The following UNC5C variants were observed in gnomAD, a reference collection of about 807,000 sequenced individuals.
UNC5C encodes the protein unc-5 netrin receptor C.
A neutral mutation model predicts 99.8 loss-of-function variants in UNC5C; 47 were observed. That is an observed-to-expected ratio of 0.47 (90% confidence interval 0.37 to 0.60). The LOEUF is 0.60. Ranked by LOEUF, UNC5C falls within the 20% of genes least tolerant of loss-of-function variation. The pLI, the probability that UNC5C is intolerant of heterozygous loss-of-function variation, is 0.00. For missense variants in UNC5C, 1,062 were observed against 1,165.9 expected, an observed-to-expected ratio of 0.91 and a Z score of 1.30; for synonymous variants, 487 against 452.2, an observed-to-expected ratio of 1.08 and a Z score of -0.98.
chr4:95,434,794 G>T (rs991267477), intron 1 of UNC5C, among the ~76,000 whole-genome samples: 2 of 151,970 alleles, frequency 1.3e-5, no homozygotes, highest in African/African-American at 4.8e-5. Flanking sequence ...TCAGCTCAAA[G>T]AACTTATTAT....
intron 2 of UNC5C, among the ~76,000 whole-genome samples, chr4:95,318,890 C>G (rs1350411112): frequency 6.6e-6 from 1 of 152,220 alleles, no homozygotes; most frequent in Non-Finnish European, 1.5e-5. Context: ...ATAGGACTAC[C>G]AAGGGGTTTC....
intron 4 of UNC5C, among the ~76,000 whole-genome samples, chr4:95,252,038 G>A (rs1359588963): frequency 1.3e-5 from 2 of 152,174 alleles, no homozygotes; most frequent in Non-Finnish European, 2.9e-5. Flanking sequence ...ACAACAGTGG[G>A]TGTTTTAAAT....
intron 1 of UNC5C, among the ~76,000 whole-genome samples, chr4:95,455,457 G>A (rs950314384): frequency 1.3e-5 from 2 of 151,970 alleles, no homozygotes; most frequent in African/African-American, 4.8e-5. Context: ...TTGCTTGCAT[G>A]AGTTTGAGAC....
intron 1 of UNC5C, among the ~76,000 whole-genome samples, chr4:95,525,200 A>C (rs756917423): frequency 6.6e-6 from 1 of 152,210 alleles, no homozygotes; most frequent in Non-Finnish European, 1.5e-5. Context: ...GGCCTAATGC[A>C]TTAGTTCTAA....
intron 1 of UNC5C, among the ~76,000 whole-genome samples, chr4:95,368,917 G>C (rs1467770459): frequency 6.6e-6 from 1 of 151,912 alleles, no homozygotes; most frequent in Non-Finnish European, 1.5e-5. Context: ...GTGTGTGTGT[G>C]TCTGTGTGTC....
At chr4:95,176,562 G>A (rs1466256482) in intron 14 of UNC5C, among the ~76,000 whole-genome samples, 1 of 151,596 alleles carries the variant, frequency 6.6e-6, no homozygotes, top group African/African-American at 2.4e-5. Context: ...CTCAGGGGTA[G>A]GGGTCAGGGA....
At chr4:95,422,332 A>C (rs2149456666) in intron 1 of UNC5C, among the ~76,000 whole-genome samples, 1 of 152,376 alleles carries the variant, frequency 6.6e-6, no homozygotes, top group East Asian at 1.9e-4. Context: ...CTCTGGAAAC[A>C]GCAACACTAA....
At chr4:95,300,268 C>T (rs1741820507) in intron 3 of UNC5C, among the ~76,000 whole-genome samples, 2 of 152,300 alleles carry the variant, frequency 1.3e-5, no homozygotes, top group Non-Finnish European at 1.5e-5. Context: ...CAAGCTGCAG[C>T]CTCCTTCTCC....
chr4:95,480,073 A>G lies in UNC5C; in HGVS notation c.124+68661T>C, dbSNP rs548967420. ...CCTGTGTCTTGGAACCTAGACTGGA[A>G]CTATGCCATCAGCACTTCCAGGTCT... On this transcript the variant is annotated intron_variant, in intron 1 of 15. Coordinates refer to ENST00000453304, the MANE Select transcript of UNC5C (RefSeq NM_003728.4). Among the ~76,000 whole-genome samples, 14 of 151,672 alleles carry G rather than the reference A, an allele frequency of 9.2e-5. No homozygotes were observed. The East Asian group carries it at 1.8e-3, about 19-fold the overall frequency.
chr4:95,508,653 C>T (rs1323198609), intron 1 of UNC5C, among the ~76,000 whole-genome samples: 1 of 151,852 alleles, frequency 6.6e-6, no homozygotes, highest in Non-Finnish European at 1.5e-5. Context: ...CAGTGACTTA[C>T]TCAAGTCTAG....
intron 1 of UNC5C, among the ~76,000 whole-genome samples, chr4:95,392,610 C>A (rs1745395144): frequency 6.8e-6 from 1 of 147,462 alleles, no homozygotes; most frequent in South Asian, 2.2e-4. Context: ...GTTTTTAAAA[C>A]TTTTTTTTTT....
At chr4:95,486,937 C>T (rs1482202844) in intron 1 of UNC5C, among the ~76,000 whole-genome samples, 1 of 151,684 alleles carries the variant, frequency 6.6e-6, no homozygotes, top group African/African-American at 2.4e-5. Flanking sequence ...GGGCTCCATT[C>T]TCATGAATGG....
intron 7 of UNC5C, among the ~76,000 whole-genome samples, chr4:95,228,773 G>A (rs1429804193): frequency 6.6e-6 from 1 of 152,192 alleles, no homozygotes; most frequent in Non-Finnish European, 1.5e-5. Flanking sequence ...GATTTGGACT[G>A]TAAAATATCT....
chr4:95,539,872 T>C lies in UNC5C; in HGVS notation c.124+8862A>G, dbSNP rs964602462. On this transcript the variant is annotated intron_variant, in intron 1 of 15. Transcript: ENST00000453304. ...ATCCAATAAAATGATCTCCTCTCCCTTGCTACCGGGAAAACATACTTACTG... is the reference window on the plus strand; with the variant it reads ...ATCCAATAAAATGATCTCCTCTCCCCTGCTACCGGGAAAACATACTTACTG... Among the ~76,000 whole-genome samples the C allele has an allele frequency of 3.9e-5, 6 of 152,010 alleles. No homozygotes were observed. In the East Asian group the frequency reaches 1.2e-3, roughly 29 times the overall value.
In UNC5C at chr4:95,164,736, C is replaced by A. The variant is rs1273509019; in HGVS notation, c.*4498G>T. The A allele has an allele frequency of 6.6e-6, 1 of 152,188 alleles. No homozygotes were observed. The highest frequency in any genetic ancestry group is 1.5e-5 in the Non-Finnish European group (1 of 68,036). 9.4% of individuals were successfully genotyped at this position (152,188 alleles called of 1,614,324 possible). On this transcript the variant is annotated 3_prime_UTR_variant, in exon 16 of 16. Transcript: ENST00000453304. ...GTCCCATTTCATTTCAGCTGTGTTTCCATGGGACCCCTCTCATTCATTAGC... is the reference window on the plus strand; with the variant it reads ...GTCCCATTTCATTTCAGCTGTGTTTACATGGGACCCCTCTCATTCATTAGC...
At chr4:95,304,048 G>T (rs1531866) in intron 2 of UNC5C, among the ~76,000 whole-genome samples, 7 of 151,816 alleles carry the variant, frequency 4.6e-5, no homozygotes, top group East Asian at 1.9e-4. Flanking sequence ...TCCCACTGGG[G>T]GAACAAACAA....
In UNC5C at chr4:95,222,785, C is replaced by T. The variant is rs374164376; in HGVS notation, c.1109-2609G>A. Reference sequence around the variant, plus strand: ...AGCTAAGCTGAGACCACCTCTCCCCCGCTCCATCTCAAATCTACTTTTTGG... The same window carrying T: ...AGCTAAGCTGAGACCACCTCTCCCCTGCTCCATCTCAAATCTACTTTTTGG... On this transcript the variant is annotated intron_variant, in intron 7 of 15. Coordinates refer to ENST00000453304, the MANE Select transcript of UNC5C (RefSeq NM_003728.4). Among the ~76,000 whole-genome samples the T allele has an allele frequency of 4.8e-4, 73 of 152,228 alleles. No individual in the cohort carries two copies. In the South Asian group the frequency reaches 0.012, roughly 25 times the overall value.
rs564360552 is a variant in UNC5C, at chr4:95,330,756, T to C, written c.346+4654A>G. The stretch of plus-strand genomic sequence containing the variant: ...TTGTCTAATGGCACTGGCTAGTAGA[T>C]TAGAATAATACCAATTAATAATGGT... On this transcript the variant is annotated intron_variant, in intron 2 of 15. Transcript: ENST00000453304. 2.0e-3 allele frequency among the ~76,000 whole-genome samples: 299 copies of C among 152,216 alleles called. 2 individuals carry two copies. Among genetic ancestry groups the C allele is most frequent in the African/African-American group, 6.9e-3 (285 of 41,564 alleles).
intron 1 of UNC5C, among the ~76,000 whole-genome samples, chr4:95,528,338 G>A (rs189351305): frequency 1.4e-4 from 22 of 152,064 alleles, no homozygotes; most frequent in African/African-American, 5.1e-4. Flanking sequence ...ATCAATTTTC[G>A]CACCCATGGA....
Sources: gnomAD v4.1 joint callset for allele counts (sites outside exome capture counted in the v4.1 genomes callset) on GRCh38, gnomAD v4.1.1 for gene constraint, MANE v1.5 for transcripts, NCBI Gene and HGNC (gene_info 2026-07-23, HGNC 2026-07-21) for gene names.